Variants in GFRA1 observed in about 807,000 individuals in gnomAD.
The protein encoded by GFRA1 is GDNF family receptor alpha 1, also known as GDNF family receptor alpha-1.
A neutral mutation model predicts 51.6 loss-of-function variants in GFRA1; 16 were observed. The observed-to-expected ratio is 0.31, with a 90% CI of 0.21 to 0.47. The LOEUF is 0.47. Ranked by LOEUF, GFRA1 falls within the 20% of genes least tolerant of loss-of-function variation. GFRA1 has a pLI of 1.00. For missense variants in GFRA1, 530 were observed against 594.3 expected, an observed-to-expected ratio of 0.89 and a Z score of 1.13; for synonymous variants, 270 against 241.3, an observed-to-expected ratio of 1.12 and a Z score of -1.10.
Position 116,271,990 on chromosome 10 carries a change from C to A in GFRA1, c.40G>T (p.Asp14Tyr). 6.4e-7 allele frequency: 1 copy of A among 1,555,916 alleles called. No individual in the cohort carries two copies. Among genetic ancestry groups the A allele is most frequent in the Non-Finnish European group, 8.7e-7 (1 of 1,150,096 alleles). ...ATLYFALPLL[D>Y]LLLSAEVSGG... ...AAGCCCGCGGCGGGCCTCGACTTAC[C>A]CAAGAGCGGCAGCGCGAAGTACAGG... The change falls in exon 2 of 11, where the codon GAC becomes TAC. Residue 14 changes from aspartate (D) to tyrosine (Y), a missense_variant and splice_region_variant. Transcript: ENST00000355422.
chr10:116,097,527 G>GACAGA (rs1956650916), intron 6 of GFRA1, among the ~76,000 whole-genome samples: 1 of 152,188 alleles, frequency 6.6e-6, no homozygotes, highest in Non-Finnish European at 1.5e-5. Flanking sequence ...CCCAGAAGGG[G>GACAGA]ACAGAAGCCG....
At position 116,270,980 on chromosome 10, in the gene GFRA1, T is replaced by C; in HGVS notation, c.176A>G (p.Asn59Ser). 5.0e-6 allele frequency: 8 copies of C among 1,614,210 alleles called. No homozygotes were observed. Among genetic ancestry groups the C allele is most frequent in the South Asian group, 2.2e-5 (2 of 91,086 alleles). The change falls in exon 3 of 11, where the codon AAC (asparagine) becomes AGC (serine). Residue 59 changes from asparagine to serine, a missense_variant. Transcript: ENST00000355422. ...CTCCAGGCCGGATGCCAGGCTGAAG[T>C]TGGTCTCCTTGCCCGCCACGCACTG... The part of the protein sequence containing the change: ...LRQCVAGKET[N>S]FSLASGLEAK...
intron 5 of GFRA1, among the ~76,000 whole-genome samples, chr10:116,182,708 A>G (rs1319171675): frequency 6.6e-6 from 1 of 152,220 alleles, no homozygotes; most frequent in Non-Finnish European, 1.5e-5. Flanking sequence ...CCATTCCCAA[A>G]TATCAGCAAA....
At chr10:116,203,838 CTGT>C (rs893047586) in intron 5 of GFRA1, among the ~76,000 whole-genome samples, 16 of 152,184 alleles carry the variant, frequency 1.1e-4, no homozygotes, top group Admixed American at 7.2e-4. Context: ...GTAAACAGTT[CTGT>C]TGTTTTGTCG....
intron 5 of GFRA1, among the ~76,000 whole-genome samples, chr10:116,125,819 G>A (rs1462124821): frequency 1.3e-5 from 2 of 152,190 alleles, no homozygotes; most frequent in Admixed American, 6.5e-5. Context: ...CAAAACTCGG[G>A]CACCTGCCCC....
intron 4 of GFRA1, among the ~76,000 whole-genome samples, chr10:116,243,762 G>A (rs997328379): frequency 6.6e-6 from 1 of 152,146 alleles, no homozygotes; most frequent in Non-Finnish European, 1.5e-5. Context: ...ACAAGGCCTT[G>A]AGAGAGTAGC....
Position 116,089,681 on chromosome 10 carries a change from C to G in GFRA1, c.1197+60G>C, listed in dbSNP as rs140040949. ...ATACATTTCAGAAAATGGGTCTGCC[C>G]GTGTTTCACCCCCCCACCAGGAAGG... On this transcript the variant is annotated intron_variant, in intron 9 of 10. Coordinates refer to ENST00000355422, the MANE Select transcript of GFRA1 (RefSeq NM_005264.8). 233 of 1,405,302 alleles carry G rather than the reference C, an allele frequency of 1.7e-4. No individual in the cohort carries two copies. The East Asian group carries it at 5.2e-3, about 32-fold the overall frequency. 87.1% of individuals were successfully genotyped at this position (1,405,302 alleles called of 1,614,324 possible). A position where few individuals can be genotyped will look rare whatever the true frequency, so the allele number is the denominator to read the frequency against.
intron 3 of GFRA1, among the ~76,000 whole-genome samples, chr10:116,270,420 G>C (rs943018012): frequency 3.3e-5 from 5 of 152,190 alleles, no homozygotes; most frequent in Non-Finnish European, 7.3e-5. Flanking sequence ...GAACAAGACA[G>C]GGGGAGTCCA....
chr10:116,148,447 T>C (rs1403568252), intron 5 of GFRA1, among the ~76,000 whole-genome samples: 2 of 152,164 alleles, frequency 1.3e-5, no homozygotes, highest in Non-Finnish European at 2.9e-5. Context: ...GAGCAAGTCA[T>C]TCACCTCTGT....
At chr10:116,196,701 A>C (rs1963876271) in intron 5 of GFRA1, among the ~76,000 whole-genome samples, 1 of 55,134 alleles carries the variant, frequency 1.8e-5, no homozygotes, top group Non-Finnish European at 3.1e-5. Flanking sequence ...TATATATAAT[A>C]TATATTATAT....
chr10:116,264,339 G>A (rs1005962981), intron 4 of GFRA1, among the ~76,000 whole-genome samples: 10 of 152,082 alleles, frequency 6.6e-5, no homozygotes, highest in African/African-American at 2.4e-4. Context: ...ACAGAGTACT[G>A]GACTAGATCT....
intron 6 of GFRA1, among the ~76,000 whole-genome samples, chr10:116,115,299 G>T (rs1265565771): frequency 5.9e-5 from 9 of 152,056 alleles, no homozygotes; most frequent in Admixed American, 5.9e-4. Context: ...AGGACTCTAA[G>T]CCTGGCTGTG....
chr10:116,084,377 C>T (rs1054763742), intron 9 of GFRA1, among the ~76,000 whole-genome samples: 1 of 152,196 alleles, frequency 6.6e-6, no homozygotes, highest in African/African-American at 2.4e-5. Flanking sequence ...CATGTCTCAC[C>T]CACAGATGTG....
intron 5 of GFRA1, among the ~76,000 whole-genome samples, chr10:116,136,704 G>A (rs1020536648): frequency 2.6e-5 from 4 of 152,178 alleles, no homozygotes; most frequent in Non-Finnish European, 4.4e-5. Flanking sequence ...CAAAGAGGCT[G>A]CCAGTGCTTG....
chr10:116,146,942 T>G (rs888623686), intron 5 of GFRA1, among the ~76,000 whole-genome samples: 2 of 152,152 alleles, frequency 1.3e-5, no homozygotes, highest in African/African-American at 4.8e-5. Flanking sequence ...TGCCACAATC[T>G]TAAACTTCAT....
At chr10:116,187,118 G>A (rs146447586) in intron 5 of GFRA1, among the ~76,000 whole-genome samples, 171 of 152,186 alleles carry the variant, frequency 1.1e-3, no homozygotes, top group African/African-American at 4.0e-3. Context: ...TGGAAGACAG[G>A]GTTTTAAAGG....
intron 6 of GFRA1, among the ~76,000 whole-genome samples, chr10:116,123,081 G>T (rs796918472): frequency 6.6e-6 from 1 of 152,190 alleles, no homozygotes. Flanking sequence ...GCTGGACCCC[G>T]AGCAAAGCTC....
rs1565685693 is a variant in GFRA1, at chr10:116,258,417, A to AATT, written c.418+11085_418+11086insAAT. 4.1e-4 allele frequency among the ~76,000 whole-genome samples: 43 copies of AATT among 104,830 alleles called. 1 individual carries two copies. The highest frequency in any genetic ancestry group is 5.2e-3 in the Middle Eastern group (1 of 194). 68.8% of individuals were successfully genotyped at this position (104,830 alleles called of 152,430 possible). On this transcript the variant is annotated intron_variant, in intron 4 of 10. Transcript: ENST00000355422. Reference sequence around the variant, plus strand: ...ATAAAATAAAATATATTATATTAATAAAATAAATATAAAATTAATAAAATA... The same window carrying AATT: ...ATAAAATAAAATATATTATATTAATAATTAAATAAATATAAAATTAATAAAATA...
chr10:116,216,567 G>A (rs1965577777), intron 4 of GFRA1, among the ~76,000 whole-genome samples: 1 of 152,148 alleles, frequency 6.6e-6, no homozygotes, highest in Non-Finnish European at 1.5e-5. Context: ...CATAAAACTG[G>A]GGGTGGTAAA....
Sources: allele counts gnomAD v4.1 joint callset (sites outside exome capture counted in the v4.1 genomes callset), GRCh38; gene constraint gnomAD v4.1.1; transcripts MANE v1.5; gene names NCBI Gene and HGNC (gene_info 2026-07-23, HGNC 2026-07-21).